KMT2C: variants seen among roughly 807,000 people sequenced by gnomAD.
KMT2C encodes lysine methyltransferase 2C, also known as histone-lysine N-methyltransferase 2C.
A neutral mutation model predicts 507.9 loss-of-function variants in KMT2C; 88 were observed. The observed-to-expected ratio is 0.17, with a 90% CI of 0.15 to 0.21. The LOEUF is 0.21. Among genes scored for constraint, KMT2C ranks in the 10% least tolerant of loss-of-function variants. KMT2C has a pLI of 1.00. For missense variants in KMT2C, 4,954 were observed against 5,957.8 expected, an observed-to-expected ratio of 0.83 and a Z score of 5.55; for synonymous variants, 2,049 against 2,080.8, an observed-to-expected ratio of 0.98 and a Z score of 0.42.
intron 6 of KMT2C, among the ~76,000 whole-genome samples, chr7:152,297,050 A>AC (rs1563767078): frequency 9.7e-4 from 89 of 91,704 alleles, no homozygotes; most frequent in East Asian, 1.6e-3. Flanking sequence ...AGAAAGAAAG[A>AC]AAGACAGAGA....
intron 58 of KMT2C, chr7:152,137,874 G>A (rs921047149): frequency 5.3e-5 from 8 of 152,198 alleles, no homozygotes; most frequent in South Asian, 2.1e-4. Context: ...TTATTTACAC[G>A]TTACTTTGAG....
At chr7:152,182,808 A>G (rs2093477201) in intron 35 of KMT2C, among the ~76,000 whole-genome samples, 166 bp downstream of exon 35, 1 of 152,156 alleles carries the variant, frequency 6.6e-6, no homozygotes, top group Non-Finnish European at 1.5e-5. Context: ...TATTTCAATA[A>G]ATTTCTCAAA....
chr7:152,273,573 C>A, intron 7 of KMT2C, 132 bp downstream of exon 7: 3 of 937,220 alleles, frequency 3.2e-6, no homozygotes, highest in Non-Finnish European at 4.3e-6. Flanking sequence ...TGGCAACGAT[C>A]CCTCAGATTT....
At chr7:152,224,994 T>C (rs1258607523) in intron 18 of KMT2C, among the ~76,000 whole-genome samples, 1 of 152,176 alleles carries the variant, frequency 6.6e-6, no homozygotes, top group African/African-American at 2.4e-5. Context: ...TACATTTCCA[T>C]GCTTAGAATC....
chr7:152,385,085 T>C (rs1283344320), intron 1 of KMT2C, among the ~76,000 whole-genome samples: 1 of 152,098 alleles, frequency 6.6e-6, no homozygotes, highest in Non-Finnish European at 1.5e-5. Context: ...AACCTGACTC[T>C]GACCAAGCCT....
chr7:152,246,517 A>C (rs1273657789), intron 14 of KMT2C, among the ~76,000 whole-genome samples: 1 of 152,142 alleles, frequency 6.6e-6, no homozygotes, highest in Non-Finnish European at 1.5e-5. Context: ...CAATTGAAAC[A>C]AAAGTCTACA....
chr7:152,213,762 A>C (rs903197417), intron 23 of KMT2C, among the ~76,000 whole-genome samples: 31 of 152,074 alleles, frequency 2.0e-4, no homozygotes, highest in African/African-American at 4.6e-4. Flanking sequence ...AAAAAAAAAA[A>C]AAAACACCGG....
chr7:152,147,707 C>CAAA (rs762588729), intron 52 of KMT2C, among the ~76,000 whole-genome samples: 102 of 46,636 alleles, frequency 2.2e-3, no homozygotes, highest in African/African-American at 3.5e-3. Context: ...AACTCCGTCT[C>CAAA]AAAAAAAAAA....
chr7:152,263,187 T>C (rs1224608610), intron 8 of KMT2C, 57 bp from the exon 9 acceptor site: 1 of 1,437,796 alleles, frequency 7.0e-7, no homozygotes, highest in African/African-American at 1.4e-5. Context: ...TTTTGTAACA[T>C]AAGTAATCAT....
chr7:152,199,742 T>C (rs1044095313), intron 26 of KMT2C, among the ~76,000 whole-genome samples: 7 of 152,154 alleles, frequency 4.6e-5, no homozygotes, highest in African/African-American at 1.7e-4. Context: ...AACTGCAGAA[T>C]AGCTTCATGA....
chr7:152,142,700 A>G (rs892136352), intron 55 of KMT2C, among the ~76,000 whole-genome samples: 2 of 152,236 alleles, frequency 1.3e-5, no homozygotes, highest in African/African-American at 4.8e-5. Flanking sequence ...TCAGTAATGC[A>G]ATGGTTTAAC....
chr7:152,184,521 A>C (rs959223787), intron 34 of KMT2C, among the ~76,000 whole-genome samples: 4 of 152,214 alleles, frequency 2.6e-5, no homozygotes. Context: ...AAAACTCTTT[A>C]AACATGTCTA....
chr7:152,211,087 G>A (rs1034813357), intron 23 of KMT2C, among the ~76,000 whole-genome samples: 22 of 152,236 alleles, frequency 1.4e-4, no homozygotes, highest in African/African-American at 5.3e-4. Context: ...AAAAACAGAC[G>A]TTATCCTCAT....
chr7:152,290,720 G>A (rs1003370665), intron 6 of KMT2C, among the ~76,000 whole-genome samples: 2 of 151,934 alleles, frequency 1.3e-5, no homozygotes, highest in African/African-American at 4.8e-5. Flanking sequence ...CTCAAGCTTT[G>A]GTTTAGTATC....
At chr7:152,419,341 ACT>A (rs1222133560) in intron 1 of KMT2C, among the ~76,000 whole-genome samples, 4 of 152,110 alleles carry the variant, frequency 2.6e-5, no homozygotes, top group South Asian at 2.1e-4. Context: ...ACAGAGCGAG[ACT>A]CTGTCTCCAA....
chr7:152,182,192 G>T lies in KMT2C; in HGVS notation c.5668C>A (p.Arg1890=), dbSNP rs956673837. ...TATGGATCCATTGGAGATGGTGGTC[G>T]TGAGTTAGAGGACCCAGGTGAAAAC... ...QVFSPGSSNS[R]PPSPMDPYAK... is the part of the protein sequence containing the mutation. Residue 1890 remains arginine, a synonymous_variant, in exon 36 of 59, where the codon CGA becomes AGA. Transcript: ENST00000262189. The T allele has an allele frequency of 1.9e-6, 3 of 1,614,172 alleles. No individual in the cohort carries two copies. Among genetic ancestry groups the T allele is most frequent in the Non-Finnish European group, 2.5e-6 (3 of 1,180,028 alleles).
intron 1 of KMT2C, among the ~76,000 whole-genome samples, chr7:152,377,772 T>C (rs2097340867): frequency 6.7e-6 from 1 of 149,980 alleles, no homozygotes; most frequent in Non-Finnish European, 1.5e-5. Flanking sequence ...CTGTAGTAGA[T>C]TTGGGCAAAG....
intron 27 of KMT2C, among the ~76,000 whole-genome samples, chr7:152,197,782 A>G (rs1041511485): frequency 4.6e-5 from 7 of 152,276 alleles, no homozygotes; most frequent in African/African-American, 1.7e-4. Context: ...TTTAGTCATT[A>G]ATTTTCCATT....
chr7:152,318,236 C>T (rs2096739776), intron 3 of KMT2C, among the ~76,000 whole-genome samples: 1 of 151,890 alleles, frequency 6.6e-6, no homozygotes, highest in African/African-American at 2.4e-5. Context: ...ATAATGTAAA[C>T]CAAAACCACC....
Sources: allele counts gnomAD v4.1 joint callset (sites outside exome capture counted in the v4.1 genomes callset), GRCh38; gene constraint gnomAD v4.1.1; transcripts MANE v1.5; gene names NCBI Gene and HGNC (gene_info 2026-07-23, HGNC 2026-07-21).